Variants in TUSC3 observed in about 807,000 individuals in gnomAD.
The protein encoded by TUSC3 is dolichyl-diphosphooligosaccharide--protein glycosyltransferase subunit TUSC3.
TUSC3 carries 45 observed loss-of-function variants against 44.8 expected under a neutral mutation model. That is an observed-to-expected ratio of 1.00 (90% CI 0.79 to 1.29). The LOEUF is 1.29. Ranked by LOEUF, TUSC3 falls within the 50% of genes most tolerant of loss-of-function variation. The probability of loss-of-function intolerance (pLI) is 0.00; values close to 1 mark genes in which losing one functional copy is unlikely to be tolerated. For synonymous variants in TUSC3, 212 were observed against 152.9 expected (o/e 1.39, Z -2.85); for missense variants, 519 against 437.9 (o/e 1.19, Z -1.65).
At chr8:15,722,249 CTT>C (rs77957851) in intron 6 of TUSC3, among the ~76,000 whole-genome samples, 2 of 142,134 alleles carry the variant, frequency 1.4e-5, no homozygotes. Context: ...TTGTTTCTTT[CTT>C]TTTTTTTTTT....
At chr8:15,618,672 C>G (rs1225828949) in intron 1 of TUSC3, among the ~76,000 whole-genome samples, 1 of 152,082 alleles carries the variant, frequency 6.6e-6, no homozygotes, top group East Asian at 1.9e-4. Context: ...GGAGTACAGT[C>G]TAAAGATAAA....
the TUSC3 span, among the ~76,000 whole-genome samples, chr8:15,825,284 TG>T: frequency 6.6e-6 from 1 of 152,322 alleles, no homozygotes; most frequent in African/African-American, 2.4e-5. Context: ...AGAGGTTTAC[TG>T]GACTTACAGT....
intron 2 of TUSC3, among the ~76,000 whole-genome samples, chr8:15,486,168 G>A (rs999887079): frequency 6.6e-6 from 1 of 152,116 alleles, no homozygotes; most frequent in African/African-American, 2.4e-5. Flanking sequence ...AAGAAGTGAC[G>A]TGATTGGTCA....
intron 1 of TUSC3, among the ~76,000 whole-genome samples, chr8:15,579,968 C>T (rs1803263026): frequency 5.6e-5 from 1 of 17,798 alleles, no homozygotes; most frequent in Non-Finnish European, 1.3e-4. Flanking sequence ...CTTTGTAGGT[C>T]ACTCAGGACT....
chr8:15,704,734 T>C (rs938186996), intron 6 of TUSC3, among the ~76,000 whole-genome samples: 3 of 152,192 alleles, frequency 2.0e-5, no homozygotes, highest in African/African-American at 7.2e-5. Context: ...GCAGCAGATA[T>C]ATGATGCTTG....
intron 1 of TUSC3, among the ~76,000 whole-genome samples, chr8:15,595,040 A>G (rs73193373): frequency 0.23 from 34,413 of 151,970 alleles, 4,040 homozygotes; most frequent in East Asian, 0.45. Flanking sequence ...TCCTGTTTCT[A>G]AGGGGGACTG....
At chr8:15,553,765 G>C (rs1403264457) in intron 1 of TUSC3, among the ~76,000 whole-genome samples, 2 of 151,756 alleles carry the variant, frequency 1.3e-5, no homozygotes, top group African/African-American at 4.8e-5. Context: ...TTAAGTGGTG[G>C]TAGCTGGAGA....
Position 15,524,601 on chromosome 8 carries a change from G to A in TUSC3, n.189+41118G>A, listed in dbSNP as rs1001033736. Among the ~76,000 whole-genome samples, 7 of 152,232 alleles carry A rather than the reference G, an allele frequency of 4.6e-5. No individual in the cohort carries two copies. In the South Asian group the frequency reaches 6.2e-4, roughly 14 times the overall value. On this transcript the variant is annotated intron_variant and non_coding_transcript_variant, in intron 2 of 5. Transcript: ENST00000503191. ...TTTAAAGTCTCAAAGAGCGTAATTG[G>A]TGCTTGGATAATTGTGACCATGTGT...
intron 2 of TUSC3, among the ~76,000 whole-genome samples, chr8:15,518,538 G>T (rs1349836906): frequency 6.6e-6 from 1 of 152,082 alleles, no homozygotes; most frequent in Non-Finnish European, 1.5e-5. Context: ...TTGGATTAGT[G>T]TCTCAAGTCA....
In TUSC3 at chr8:15,638,860, A is replaced by C. The variant is rs571300952; in HGVS notation, c.309-11837A>C. ...TACTAGCATTACACTGATGATTATG[A>C]TCATGTGTTGATGCTAGATCACGTG... On this transcript the variant is annotated intron_variant, in intron 2 of 10. Coordinates refer to ENST00000503731, the MANE Select transcript of TUSC3 (RefSeq NM_006765.4). Among the ~76,000 whole-genome samples the C allele has an allele frequency of 2.0e-5, 3 of 152,296 alleles. No individual in the cohort carries two copies. The South Asian group carries it at 6.2e-4, about 32-fold the overall frequency.
At chr8:15,838,999 G>T in the TUSC3 span, among the ~76,000 whole-genome samples, 4 of 152,136 alleles carry the variant, frequency 2.6e-5, no homozygotes, top group Admixed American at 2.0e-4. Context: ...AACATGGAAT[G>T]TTCTTCCACT....
At chr8:15,843,724 T>C in the TUSC3 span, among the ~76,000 whole-genome samples, 1,316 of 151,958 alleles carry the variant, frequency 8.7e-3, 26 homozygotes, top group African/African-American at 0.03. Context: ...TATATGTATG[T>C]GTGTGTTTGT....
At chr8:15,814,360 C>G in the TUSC3 span, among the ~76,000 whole-genome samples, 3 of 152,026 alleles carry the variant, frequency 2.0e-5, no homozygotes, top group Non-Finnish European at 4.4e-5. Context: ...TGACTTCTTG[C>G]AGGAAAAAAA....
At chr8:15,737,123 T>C (rs1194353129) in intron 7 of TUSC3, among the ~76,000 whole-genome samples, 2 of 152,124 alleles carry the variant, frequency 1.3e-5, no homozygotes, top group Non-Finnish European at 2.9e-5. Context: ...TTCTAGTCTA[T>C]TATAGAGAGC....
At chr8:15,688,590 A>C (rs892450588) in intron 6 of TUSC3, among the ~76,000 whole-genome samples, 1 of 152,082 alleles carries the variant, frequency 6.6e-6, no homozygotes, top group Non-Finnish European at 1.5e-5. Context: ...ACCCTCAAGT[A>C]TACCCTAGTA....
the TUSC3 span, among the ~76,000 whole-genome samples, chr8:15,773,712 G>T: frequency 3.3e-5 from 5 of 152,050 alleles, no homozygotes; most frequent in Admixed American, 6.6e-5. Flanking sequence ...CAACTACCAG[G>T]TACCAAACAT....
chr8:15,621,997 G>C (rs1279810449), intron 1 of TUSC3, among the ~76,000 whole-genome samples: 1 of 152,054 alleles, frequency 6.6e-6, no homozygotes, highest in African/African-American at 2.4e-5. Flanking sequence ...CTCAGGATAA[G>C]ATGTCTGCCT....
intron 1 of TUSC3, among the ~76,000 whole-genome samples, chr8:15,540,872 A>G (rs933702992): frequency 3.9e-5 from 6 of 152,234 alleles, no homozygotes; most frequent in African/African-American, 4.8e-5. Flanking sequence ...GGTGCCACTA[A>G]AAGGGGTGTG....
At chr8:15,428,319 A>T (rs879220647) in intron 1 of TUSC3, among the ~76,000 whole-genome samples, 1 of 151,000 alleles carries the variant, frequency 6.6e-6, no homozygotes, top group African/African-American at 2.4e-5. Context: ...TTATGGCTGC[A>T]TAGTATTCCA....
Sources: gnomAD v4.1 joint callset for allele counts (sites outside exome capture counted in the v4.1 genomes callset) on GRCh38, gnomAD v4.1.1 for gene constraint, MANE v1.5 for transcripts, NCBI Gene and HGNC (gene_info 2026-07-23, HGNC 2026-07-21) for gene names.